COP1: variants seen among roughly 807,000 people sequenced by gnomAD.
The protein encoded by COP1 is E3 ubiquitin-protein ligase COP1.
Under a neutral mutation model 101.3 loss-of-function variants are expected in COP1, and 24 were observed. That is an observed-to-expected ratio of 0.24 (90% CI 0.17 to 0.33). The LOEUF is 0.33. COP1 is among the 10% of genes least tolerant of loss of function. The pLI is 1.00. For missense variants in COP1, 663 were observed against 906.2 expected, an observed-to-expected ratio of 0.73 and a Z score of 3.45; for synonymous variants, 347 against 341.9, an observed-to-expected ratio of 1.01 and a Z score of -0.17.
At chr1:176,097,548 A>T (rs1036646216) in intron 9 of COP1, among the ~76,000 whole-genome samples, 1 of 151,884 alleles carries the variant, frequency 6.6e-6, no homozygotes, top group Non-Finnish European at 1.5e-5. Flanking sequence ...TGATGTCTAT[A>T]AAAAAGCTCT....
At chr1:175,976,270 CTTTTTTTTTTTTTTTTTT>C (rs10694480) in intron 18 of COP1, among the ~76,000 whole-genome samples, 9 of 56,858 alleles carry the variant, frequency 1.6e-4, no homozygotes, top group South Asian at 8.2e-4. Flanking sequence ...ATTAGTCATT[CTTTTTTTTTTTTTTTTTT>C]TTTTTTTTAG....
At chr1:176,174,857 TC>T (rs1696685121) in intron 3 of COP1, among the ~76,000 whole-genome samples, 1 of 152,188 alleles carries the variant, frequency 6.6e-6, no homozygotes, top group African/African-American at 2.4e-5. Flanking sequence ...TGAAAATTAT[TC>T]TTTAGCTTAT....
At chr1:176,153,940 C>G (rs1693041256) in intron 5 of COP1, among the ~76,000 whole-genome samples, 2 of 152,184 alleles carry the variant, frequency 1.3e-5, no homozygotes, top group South Asian at 4.1e-4. Context: ...AAAGATAAAG[C>G]CTACTTTATC....
chr1:176,078,822 T>TA (rs1186806461), intron 11 of COP1, among the ~76,000 whole-genome samples: 1 of 150,344 alleles, frequency 6.7e-6, no homozygotes, highest in East Asian at 2.0e-4. Flanking sequence ...AAAAATCCAA[T>TA]AAAAAATGAG....
chr1:176,146,093 G>T (rs1691551723), intron 6 of COP1, among the ~76,000 whole-genome samples: 1 of 152,070 alleles, frequency 6.6e-6, no homozygotes, highest in Non-Finnish European at 1.5e-5. Flanking sequence ...AGACTCATCA[G>T]AACGATTATA....
chr1:176,168,664 C>T (rs1448750386), intron 3 of COP1: 1 of 274,898 alleles, frequency 3.6e-6, no homozygotes, highest in Admixed American at 4.2e-5. Flanking sequence ...CCAGCCCTTA[C>T]CTGAATCAGC....
intron 9 of COP1, among the ~76,000 whole-genome samples, chr1:176,103,793 T>A (rs1683844664): frequency 6.6e-6 from 1 of 152,098 alleles, no homozygotes; most frequent in Non-Finnish European, 1.5e-5. Context: ...GAAATAAACT[T>A]ATGAAAAATA....
intron 18 of COP1, among the ~76,000 whole-genome samples, chr1:175,964,462 C>T (rs1385323254): frequency 6.6e-6 from 1 of 152,058 alleles, no homozygotes; most frequent in Non-Finnish European, 1.5e-5. Context: ...ATTTTAGTTC[C>T]CCTTTCAAGT....
At chr1:176,050,493 A>C (rs1672351050) in intron 11 of COP1, among the ~76,000 whole-genome samples, 1 of 152,220 alleles carries the variant, frequency 6.6e-6, no homozygotes, top group African/African-American at 2.4e-5. Flanking sequence ...TAAAATATAA[A>C]GTAAGAGCAG....
intron 15 of COP1, among the ~76,000 whole-genome samples, chr1:175,990,055 T>C (rs1658034241): frequency 6.6e-6 from 1 of 151,954 alleles, no homozygotes; most frequent in Non-Finnish European, 1.5e-5. Flanking sequence ...TCAGTTAGCT[T>C]TGTTATTCTT....
At position 176,096,799 on chromosome 1, in the gene COP1, C is replaced by G. The variant is rs549046484; in HGVS notation, c.1027-10909G>C. 7.9e-5 allele frequency among the ~76,000 whole-genome samples: 12 copies of G among 152,310 alleles called. 1 individual carries two copies. The East Asian group carries it at 2.3e-3, about 29-fold the overall frequency. ...CTTAAGCTGTAGCCAATCTGGTCTG[C>G]TTTACATAACTTTCTGTATGGTAAG... On this transcript the variant is annotated intron_variant, in intron 9 of 19. Transcript: ENST00000367669.
rs542978195 is a variant in COP1 at position 175,982,492 on chromosome 1, A to AT, written c.2133+4450dup. 389 of 419,896 alleles carry AT rather than the reference A, an allele frequency of 9.3e-4. 3 individuals carry two copies. The highest frequency in any genetic ancestry group is 6.5e-4 in the Non-Finnish European group (138 of 212,452). 26.0% of individuals were successfully genotyped at this position (419,896 alleles called of 1,614,324 possible). ...AGACCTTTATGATTCACTTCATTTA[A>AT]TAAACAGTAAATATATTTTCTTTTA... On this transcript the variant is annotated intron_variant, in intron 18 of 19. Transcript: ENST00000367669.
chr1:176,136,423 G>T, intron 7 of COP1, 65 bp downstream of exon 7: 1 of 1,091,122 alleles, frequency 9.2e-7, no homozygotes. Context: ...GCAACTTAAT[G>T]GAAAGGTGAC....
chr1:176,066,586 C>T (rs181679344), intron 11 of COP1, among the ~76,000 whole-genome samples: 39 of 150,292 alleles, frequency 2.6e-4, no homozygotes, highest in Non-Finnish European at 3.4e-4. Context: ...TTACTGGCAG[C>T]CCAGTGGCTG....
At chr1:176,198,782 G>A (rs911672240) in intron 1 of COP1, among the ~76,000 whole-genome samples, 1 of 151,974 alleles carries the variant, frequency 6.6e-6, no homozygotes, top group African/African-American at 2.4e-5. Context: ...GCAATTTTAA[G>A]GGAAAAAATG....
At chr1:176,070,238 C>T (rs1481228836) in intron 11 of COP1, among the ~76,000 whole-genome samples, 1 of 152,076 alleles carries the variant, frequency 6.6e-6, no homozygotes, top group East Asian at 1.9e-4. Flanking sequence ...GTTCTGGCTA[C>T]CCTAGTTCTT....
At chr1:176,031,835 C>A (rs1397803360) in intron 14 of COP1, among the ~76,000 whole-genome samples, 1 of 152,152 alleles carries the variant, frequency 6.6e-6, no homozygotes, top group African/African-American at 2.4e-5. Context: ...AATCCAACTA[C>A]ACTACAGAAT....
intron 15 of COP1, among the ~76,000 whole-genome samples, chr1:175,999,296 C>CT (rs1266918438): frequency 1.3e-5 from 2 of 152,068 alleles, no homozygotes; most frequent in East Asian, 3.8e-4. Context: ...CTTCTACTCT[C>CT]TATGTCCATG....
chr1:175,996,509 A>G (rs1218806516), intron 15 of COP1, among the ~76,000 whole-genome samples: 2 of 152,062 alleles, frequency 1.3e-5, no homozygotes, highest in Admixed American at 1.3e-4. Flanking sequence ...CCATCGTCTC[A>G]GCCCAAAATC....
Sources: gnomAD v4.1 joint callset for allele counts (sites outside exome capture counted in the v4.1 genomes callset) on GRCh38, gnomAD v4.1.1 for gene constraint, MANE v1.5 for transcripts, NCBI Gene and HGNC (gene_info 2026-07-23, HGNC 2026-07-21) for gene names.